TRIM54: variants seen among roughly 807,000 people sequenced by gnomAD.
The protein encoded by TRIM54 is tripartite motif-containing protein 54.
In TRIM54, 40 loss-of-function variants were observed where a neutral mutation model predicts 42.0. The ratio of observed to expected loss-of-function variants is 0.95; its 90% confidence interval spans 0.74 to 1.24. The LOEUF (loss-of-function observed/expected upper bound fraction) is 1.24. TRIM54 is among the 50% of genes most tolerant of loss of function. The pLI, the probability that TRIM54 is intolerant of heterozygous loss-of-function variation, is 0.00. For synonymous variants in TRIM54, 199 were observed against 194.9 expected, an observed-to-expected ratio of 1.02 and a Z score of -0.17; for missense variants, 485 against 480.3, an observed-to-expected ratio of 1.01 and a Z score of -0.09.
intron 4 of TRIM54, 53 bp from the exon 5 acceptor site, chr2:27,305,531 C>T (rs916151331): frequency 9.2e-5 from 137 of 1,485,322 alleles, no homozygotes; most frequent in Admixed American, 9.4e-5. Flanking sequence ...TGTGCTTTCC[C>T]AGCCACCGGG....
Position 27,306,512 on chromosome 2 carries a change from C to A in TRIM54, c.1048C>A (p.Pro350Thr). The A allele has an allele frequency of 6.4e-7, 1 of 1,569,452 alleles. No individual in the cohort carries two copies. The highest frequency in any genetic ancestry group is 1.2e-5 in the South Asian group (1 of 86,558). Residue 350 changes from proline to threonine, a missense_variant, in exon 8 of 9, where the codon CCG becomes ACG. Pro to Thr is a conservative substitution (Grantham distance 38, BLOSUM62 -1). Transcript: ENST00000380075. This position sits in a 1 kb window ranked among gnomAD's most constrained non-coding sequence, Gnocchi z 6.1. ...AGACGGAGAGGAGGGCAGCGCGGGGCCGGAGGAAGAGCGGCCGGATGGGCC... is the reference window on the plus strand; with the variant it reads ...AGACGGAGAGGAGGGCAGCGCGGGGACGGAGGAAGAGCGGCCGGATGGGCC... ...APDGEEGSAG[P>T]EEERPDGP
chr2:27,306,007 G>A lies in TRIM54; in HGVS notation c.844-73G>A, dbSNP rs1679192352. On this transcript the variant is annotated intron_variant, in intron 5 of 8. Coordinates refer to ENST00000380075, the MANE Select transcript of TRIM54 (RefSeq NM_187841.3). The surrounding 1 kb of genome is among the most constrained non-coding windows in gnomAD (Gnocchi z 6.1). ...CTTCCCACCTACCCCGCAGGACTGT[G>A]GTGAGATTCAGAAATGGGACTTTGC... 2.5e-6 allele frequency: 4 copies of A among 1,592,544 alleles called. No homozygotes were observed. Among genetic ancestry groups the A allele is most frequent in the Non-Finnish European group, 3.4e-6 (4 of 1,165,462 alleles).
intron 1 of TRIM54, among the ~76,000 whole-genome samples, chr2:27,284,152 C>T (rs779331202): frequency 4.6e-5 from 7 of 152,122 alleles, no homozygotes; most frequent in Non-Finnish European, 8.8e-5. Context: ...AAAACAAAAA[C>T]AAACCCCGAA....
At chr2:27,301,429 C>G (rs897628558) in intron 3 of TRIM54, among the ~76,000 whole-genome samples, 1 of 152,134 alleles carries the variant, frequency 6.6e-6, no homozygotes, top group Admixed American at 6.6e-5. Flanking sequence ...TGTGAGCTAC[C>G]GGGTCCAGCC....
At chr2:27,292,652 A>G (rs1185635518) in intron 1 of TRIM54, among the ~76,000 whole-genome samples, 2 of 152,166 alleles carry the variant, frequency 1.3e-5, no homozygotes, top group South Asian at 2.1e-4. Flanking sequence ...TGTCACCACT[A>G]TCCATCCCCA....
At chr2:27,283,784 G>GCACACACACACACACA (rs3073589) in intron 1 of TRIM54, among the ~76,000 whole-genome samples, 13 of 132,180 alleles carry the variant, frequency 9.8e-5, no homozygotes, top group Admixed American at 5.3e-4. Flanking sequence ...ACACACGCGC[G>GCACACACACACACACA]CACACACACA....
intron 1 of TRIM54, among the ~76,000 whole-genome samples, chr2:27,287,947 T>G (rs1678622750): frequency 6.6e-6 from 1 of 152,248 alleles, no homozygotes; most frequent in South Asian, 2.1e-4. Context: ...TGTCCTAATT[T>G]GGCCCACTCT....
intron 1 of TRIM54, among the ~76,000 whole-genome samples, chr2:27,285,419 T>A (rs1376320000): frequency 6.6e-6 from 1 of 152,154 alleles, no homozygotes; most frequent in Admixed American, 6.6e-5. Flanking sequence ...GCCTAGAAAG[T>A]TAACGGTTAT....
At chr2:27,292,980 C>A (rs184551993) in intron 1 of TRIM54, among the ~76,000 whole-genome samples, 5 of 152,218 alleles carry the variant, frequency 3.3e-5, no homozygotes, top group Admixed American at 6.5e-5. Context: ...TACTTGATTT[C>A]TTTCCTTAAT....
At chr2:27,290,392 G>C (rs1678686635) in intron 1 of TRIM54, among the ~76,000 whole-genome samples, 1 of 152,202 alleles carries the variant, frequency 6.6e-6, no homozygotes, top group African/African-American at 2.4e-5. Context: ...AAGCAGCCGG[G>C]CCCAGTGGCT....
rs528283106 is a variant in TRIM54, at chr2:27,298,580, T to C, written c.182T>C (p.Leu61Pro). The change falls in exon 2 of 9, where the codon CTA becomes CCA. Residue 61 changes from leucine to proline, a missense_variant. Physicochemically the swap from Leu to Pro is moderately conservative, Grantham distance 98. Coordinates refer to ENST00000380075, the MANE Select transcript of TRIM54 (RefSeq NM_187841.3). ...ANDVFQASNP[L>P]WQSRGSTTVS... Reference sequence around the variant, plus strand: ...CTGTCCCTGCAGGCCTCGAATCCTCTATGGCAGTCCCGGGGCTCCACCACT... The same window carrying C: ...CTGTCCCTGCAGGCCTCGAATCCTCCATGGCAGTCCCGGGGCTCCACCACT... 3.7e-6 allele frequency: 6 copies of C among 1,613,976 alleles called. No individual in the cohort carries two copies. The Admixed American group carries it at 1.0e-4, about 27-fold the overall frequency.
chr2:27,306,651 T>C lies in TRIM54; in HGVS notation c.*1+109T>C. ...CCCCAGTGATTGCCCTCCCTGCGGG[T>C]AGCGTGGAGCCCCCACTCCTCGGTG... On this transcript the variant is annotated intron_variant, in intron 8 of 8. Transcript: ENST00000380075. This position sits in a 1 kb window ranked among gnomAD's most constrained non-coding sequence, Gnocchi z 6.1. 2.6e-6 allele frequency: 3 copies of C among 1,173,780 alleles called. No homozygotes were observed. Among genetic ancestry groups the C allele is most frequent in the Non-Finnish European group, 3.5e-6 (3 of 848,600 alleles). The allele number at this position is 1,173,780 out of a possible 1,614,324, so 72.7% of individuals were successfully genotyped here. A position where few individuals can be genotyped will look rare whatever the true frequency, so the allele number is the denominator to read the frequency against.
chr2:27,298,354 G>A (rs149691300), intron 1 of TRIM54, among the ~76,000 whole-genome samples: 1 of 152,278 alleles, frequency 6.6e-6, no homozygotes, highest in African/African-American at 2.4e-5. Context: ...ACTCTAGGAG[G>A]TGGGCTGAAT....
In TRIM54 at chr2:27,303,870, T is replaced by TA. The variant is rs552925926; in HGVS notation, c.514-1082dup. On this transcript the variant is annotated intron_variant, in intron 3 of 8. Coordinates refer to ENST00000380075, the MANE Select transcript of TRIM54 (RefSeq NM_187841.3). Reference sequence around the variant, plus strand: ...AAGTCACTATAAATCAAATGCTTTTTAAAAAAAGATGAAAAATTTTAAAAA... The same window carrying TA: ...AAGTCACTATAAATCAAATGCTTTTTAAAAAAAAGATGAAAAATTTTAAAAA... 3.9e-3 allele frequency among the ~76,000 whole-genome samples: 590 copies of TA among 152,204 alleles called. 6 individuals are homozygous for TA. The highest frequency in any genetic ancestry group is 0.014 in the African/African-American group (571 of 41,528).
intron 3 of TRIM54, 37 bp downstream of exon 3, chr2:27,299,453 G>C: frequency 1.2e-6 from 2 of 1,604,524 alleles, no homozygotes; most frequent in Middle Eastern, 1.6e-4. Context: ...TGTGAGAGAT[G>C]GGGGCTTAGG....
At position 27,307,191 on chromosome 2, in the gene TRIM54, G is replaced by T; in HGVS notation, c.*306G>T. 1 of 392,486 alleles carries T rather than the reference G, an allele frequency of 2.5e-6. No individual in the cohort carries two copies. Among genetic ancestry groups the T allele is most frequent in the Non-Finnish European group, 4.6e-6 (1 of 215,124 alleles). 24.3% of individuals were successfully genotyped at this position (392,486 alleles called of 1,614,324 possible). On this transcript the variant is annotated 3_prime_UTR_variant, in exon 9 of 9. Coordinates refer to ENST00000380075, the MANE Select transcript of TRIM54 (RefSeq NM_187841.3). The surrounding 1 kb of genome is among the most constrained non-coding windows in gnomAD (Gnocchi z 6.9). ...GTGAGCCCAGCGCCCTGGGAAGAGG[G>T]CCGAGGGCGGGGCGGTGGTGCCGGG...
chr2:27,298,821 A>T (rs1002003982), intron 2 of TRIM54, 82 bp downstream of exon 2: 10 of 1,446,728 alleles, frequency 6.9e-6, no homozygotes, highest in Non-Finnish European at 9.5e-6. Context: ...AAAGGGAGAG[A>T]TTGAAACGGT....
Position 27,305,734 on chromosome 2 carries a change from G to A in TRIM54, c.760G>A (p.Gly254Ser), listed in dbSNP as rs1305953107. ...QRVRGLIRQY[G>S]DHLEASSKLV... is the part of the protein sequence containing the mutation. ...CGTCCGCGGCCTCATCCGTCAGTAT[G>A]GCGACCACCTGGAGGCCTCCTCTAA... Residue 254 changes from glycine to serine, a missense_variant, in exon 5 of 9, where the codon GGC becomes AGC. Gly to Ser is a moderately conservative substitution (Grantham distance 56, BLOSUM62 0). Coordinates refer to ENST00000380075, the MANE Select transcript of TRIM54 (RefSeq NM_187841.3). 9.9e-6 allele frequency: 16 copies of A among 1,611,916 alleles called. No individual in the cohort carries two copies. The highest frequency in any genetic ancestry group is 1.3e-5 in the Non-Finnish European group (15 of 1,179,148).
chr2:27,299,840 G>A (rs1427734615), intron 3 of TRIM54, among the ~76,000 whole-genome samples: 1 of 151,952 alleles, frequency 6.6e-6, no homozygotes, highest in Non-Finnish European at 1.5e-5. Context: ...CAAGTACCTG[G>A]GATTACAGGC....
Sources: gnomAD v4.1 joint callset for allele counts (sites outside exome capture counted in the v4.1 genomes callset) on GRCh38, gnomAD v4.1.1 for gene constraint, Gnocchi (gnomAD v3.1) non-coding constraint, MANE v1.5 for transcripts, NCBI Gene and HGNC (gene_info 2026-07-23, HGNC 2026-07-21) for gene names.